The following SLC25A33 variants were observed in gnomAD, a reference collection of about 807,000 sequenced individuals.
The protein encoded by SLC25A33 is solute carrier family 25 member 33.
A neutral mutation model predicts 35.5 loss-of-function variants in SLC25A33; 15 were observed. The observed-to-expected ratio is 0.42, with a 90% CI of 0.28 to 0.65. SLC25A33 has a LOEUF of 0.65. SLC25A33 is among the 30% of genes least tolerant of loss of function. The pLI, the probability that SLC25A33 is intolerant of heterozygous loss-of-function variation, is 0.20. For synonymous variants in SLC25A33, 136 were observed against 148.7 expected (o/e 0.91, Z 0.62); for missense variants, 257 against 398.5 (o/e 0.64, Z 3.02).
intron 1 of SLC25A33, among the ~76,000 whole-genome samples, chr1:9,541,961 G>A (rs550860418): frequency 2.6e-5 from 4 of 152,022 alleles, no homozygotes; most frequent in Non-Finnish European, 4.4e-5. Flanking sequence ...CACCACGCCC[G>A]GCTAATTTTG....
intron 1 of SLC25A33, among the ~76,000 whole-genome samples, chr1:9,549,996 C>CATATATATATATAT (rs1314749490): frequency 5.8e-4 from 42 of 72,042 alleles, no homozygotes; most frequent in African/African-American, 2.7e-3. Flanking sequence ...TTTTTCTATA[C>CATATATATATATAT]ATATATATAT....
chr1:9,575,137 C>T (rs1021366178), intron 5 of SLC25A33, among the ~76,000 whole-genome samples: 1 of 144,796 alleles, frequency 6.9e-6, no homozygotes, highest in Non-Finnish European at 1.5e-5. Context: ...GGCGTTAACC[C>T]GGGAGGTGGA....
intron 6 of SLC25A33, 107 bp downstream of exon 6, chr1:9,580,341 A>AG: frequency 7.1e-7 from 1 of 1,408,322 alleles, no homozygotes; most frequent in Non-Finnish European, 9.7e-7. Flanking sequence ...GGATCCCTGC[A>AG]GGTAAGGTCA....
intron 3 of SLC25A33, among the ~76,000 whole-genome samples, chr1:9,568,702 C>G (rs1347791288): frequency 2.0e-5 from 3 of 151,590 alleles, no homozygotes; most frequent in African/African-American, 7.3e-5. Flanking sequence ...ATACAAAAAA[C>G]TAGCCGGGCG....
At chr1:9,547,700 C>A (rs1478190268) in intron 1 of SLC25A33, among the ~76,000 whole-genome samples, 1 of 152,064 alleles carries the variant, frequency 6.6e-6, no homozygotes, top group Admixed American at 6.6e-5. Context: ...AGTAACCCCC[C>A]TCCCCCATTT....
intron 1 of SLC25A33, among the ~76,000 whole-genome samples, chr1:9,543,402 C>T (rs1420735876): frequency 6.6e-6 from 1 of 152,164 alleles, no homozygotes; most frequent in Non-Finnish European, 1.5e-5. Context: ...CCTCAGCCTC[C>T]CAAAGTGTTG....
chr1:9,563,812 G>A (rs1213963767), intron 2 of SLC25A33, among the ~76,000 whole-genome samples: 3 of 151,868 alleles, frequency 2.0e-5, no homozygotes, highest in Non-Finnish European at 4.4e-5. Flanking sequence ...CTGTGATCAA[G>A]TGATTTCTGG....
intron 1 of SLC25A33, among the ~76,000 whole-genome samples, chr1:9,544,423 C>A (rs1437083101): frequency 6.6e-6 from 1 of 151,912 alleles, no homozygotes; most frequent in East Asian, 2.0e-4. Flanking sequence ...CACGTGCCAC[C>A]ATGCCCGGCT....
chr1:9,572,542 C>T (rs748781706), intron 4 of SLC25A33, among the ~76,000 whole-genome samples: 6 of 152,000 alleles, frequency 3.9e-5, no homozygotes, highest in Non-Finnish European at 8.8e-5. Context: ...GGCGTCAACC[C>T]GGGAGGCGGA....
At chr1:9,572,901 C>CAAAA (rs57308070) in intron 4 of SLC25A33, among the ~76,000 whole-genome samples, 1 of 60,900 alleles carries the variant, frequency 1.6e-5, no homozygotes, top group African/African-American at 5.8e-5. Context: ...CCCGTCTCTA[C>CAAAA]AAAAAAAAAA....
chr1:9,567,198 G>A (rs1643521001), intron 2 of SLC25A33, 86 bp from the exon 3 acceptor site: 1 of 1,087,256 alleles, frequency 9.2e-7, no homozygotes, highest in South Asian at 1.4e-5. Flanking sequence ...ATTCTCTCAA[G>A]GAACTAATGA....
At chr1:9,576,876 C>A in intron 5 of SLC25A33, 1 of 1,267,938 alleles carries the variant, frequency 7.9e-7, no homozygotes, top group Admixed American at 1.7e-5. Context: ...GAGCTTGTTT[C>A]AAATTCAGTT....
chr1:9,573,422 T>C lies in SLC25A33; in HGVS notation c.482+10T>C. 6.2e-7 allele frequency: 1 copy of C among 1,607,592 alleles called. No individual in the cohort carries two copies. Among genetic ancestry groups the C allele is most frequent in the Non-Finnish European group, 8.5e-7 (1 of 1,175,354 alleles). On this transcript the variant is annotated intron_variant, in intron 5 of 6. Transcript: ENST00000302692. ...TGCAGCTAGAACAGAAGTAAGTTATTATTTGTTCCTTCCTTAATGAAAGGA... is the reference window on the plus strand; with the variant it reads ...TGCAGCTAGAACAGAAGTAAGTTATCATTTGTTCCTTCCTTAATGAAAGGA...
chr1:9,565,776 G>C (rs1273028336), intron 2 of SLC25A33, among the ~76,000 whole-genome samples: 3 of 151,138 alleles, frequency 2.0e-5, no homozygotes, highest in African/African-American at 4.9e-5. Context: ...TGCTCGGGGG[G>C]CTGAGGCAGG....
intron 1 of SLC25A33, among the ~76,000 whole-genome samples, chr1:9,547,220 A>C (rs1363339589): frequency 6.6e-6 from 1 of 152,130 alleles, no homozygotes; most frequent in Admixed American, 6.5e-5. Context: ...TTGGGAGGCC[A>C]AGGTGGGCAG....
chr1:9,570,097 G>A (rs1321348527), intron 3 of SLC25A33, among the ~76,000 whole-genome samples, 161 bp from the exon 4 acceptor site: 1 of 152,118 alleles, frequency 6.6e-6, no homozygotes, highest in African/African-American at 2.4e-5. Context: ...TCCTGAACGT[G>A]CCTGTGGCAG....
In SLC25A33 at chr1:9,582,776, T is replaced by C. The variant is rs959613208; in HGVS notation, c.*275T>C. The C allele has an allele frequency of 1.5e-5, 6 of 412,214 alleles. No individual in the cohort carries two copies. The highest frequency in any genetic ancestry group is 6.9e-4 in the Middle Eastern group (1 of 1,450). 25.5% of individuals were successfully genotyped at this position (412,214 alleles called of 1,614,324 possible). The stretch of plus-strand genomic sequence containing the variant: ...TCATGCTATTTAATTTAAGTATACA[T>C]TTGGCTTGTGTCCTCTTTTATGCTC... On this transcript the variant is annotated 3_prime_UTR_variant, in exon 7 of 7. Coordinates refer to ENST00000302692, the MANE Select transcript of SLC25A33 (RefSeq NM_032315.3). The surrounding 1 kb of genome is among the most constrained non-coding windows in gnomAD (Gnocchi z 4.0).
rs926459220 is a variant in SLC25A33 at position 9,578,110 on chromosome 1, G to C, written c.483-1844G>C. ...TTTTTTGTATTTTTTAGTAGAGACG[G>C]GGTTTCACCGTGTTAGCCAGGATGG... On this transcript the variant is annotated intron_variant, in intron 5 of 6. Coordinates refer to ENST00000302692, the MANE Select transcript of SLC25A33 (RefSeq NM_032315.3). The surrounding 1 kb of genome is among the most constrained non-coding windows in gnomAD (Gnocchi z 4.3). Among the ~76,000 whole-genome samples, 3 of 152,074 alleles carry C rather than the reference G, an allele frequency of 2.0e-5. No individual in the cohort carries two copies. Among genetic ancestry groups the C allele is most frequent in the African/African-American group, 7.2e-5 (3 of 41,398 alleles).
intron 2 of SLC25A33, among the ~76,000 whole-genome samples, chr1:9,564,735 A>T (rs1165473212): frequency 2.9e-3 from 199 of 69,422 alleles, no homozygotes; most frequent in East Asian, 0.015. Flanking sequence ...TAAAAAAAAA[A>T]AAAAATATAT....
Sources: allele counts gnomAD v4.1 joint callset (sites outside exome capture counted in the v4.1 genomes callset), GRCh38; gene constraint gnomAD v4.1.1; non-coding constraint Gnocchi (gnomAD v3.1); transcripts MANE v1.5; gene names NCBI Gene and HGNC (gene_info 2026-07-23, HGNC 2026-07-21).